KYAT3: variants seen among roughly 807,000 people sequenced by gnomAD.
KYAT3 encodes kynurenine--oxoglutarate transaminase 3.
KYAT3 carries 50 observed loss-of-function variants against 59.0 expected under a neutral mutation model. That is an observed-to-expected ratio of 0.85 (90% confidence interval 0.68 to 1.07). The LOEUF is 1.07. Among genes scored for constraint, KYAT3 ranks in the 50% least tolerant of loss-of-function variants. The pLI is 0.00. For synonymous variants in KYAT3, 148 were observed against 177.0 expected, an observed-to-expected ratio of 0.84 and a Z score of 1.30; for missense variants, 497 against 533.3, an observed-to-expected ratio of 0.93 and a Z score of 0.67.
chr1:88,971,566 C>T (rs1191792214), intron 2 of KYAT3, among the ~76,000 whole-genome samples: 1 of 152,086 alleles, frequency 6.6e-6, no homozygotes, highest in Admixed American at 6.6e-5. Flanking sequence ...ACAATTTTGT[C>T]ACATAGGATT....
At chr1:88,932,723 T>C (rs1317061244), downstream of KYAT3, among the ~76,000 whole-genome samples, 1 of 152,172 alleles carries the variant, frequency 6.6e-6, no homozygotes, top group Non-Finnish European at 1.5e-5. Context: ...CTTGAACTCC[T>C]AGCCTCAAGT....
intron 2 of KYAT3, chr1:88,982,898 T>C (rs765557084): frequency 1.5e-5 from 24 of 1,614,006 alleles, no homozygotes; most frequent in South Asian, 2.2e-5. Flanking sequence ...ATAATCATCA[T>C]AGCGACTGCT....
At chr1:88,954,393 G>C (rs1362319789) in intron 9 of KYAT3, among the ~76,000 whole-genome samples, 1 of 152,188 alleles carries the variant, frequency 6.6e-6, no homozygotes, top group Non-Finnish European at 1.5e-5. Context: ...CTTTAGCTCT[G>C]TCATCTGTAA....
At chr1:88,988,433 T>A in intron 1 of KYAT3, 82 bp from the exon 2 acceptor site, 1 of 715,792 alleles carries the variant, frequency 1.4e-6, no homozygotes, top group Non-Finnish European at 2.3e-6. Flanking sequence ...CTAGCTGATG[T>A]ATCATAAGCT....
chr1:88,935,282 C>T (rs1393034481), downstream of KYAT3, among the ~76,000 whole-genome samples: 1 of 150,708 alleles, frequency 6.6e-6, no homozygotes, highest in East Asian at 2.0e-4. Context: ...GGATTACAGG[C>T]ATGAGCCACT....
chr1:88,967,632 T>C (rs913400459), intron 4 of KYAT3, among the ~76,000 whole-genome samples: 1 of 152,082 alleles, frequency 6.6e-6, no homozygotes, highest in Non-Finnish European at 1.5e-5. Flanking sequence ...GTAATTTGTA[T>C]CTTTTAAATA....
At chr1:88,959,379 C>G (rs960456578) in intron 8 of KYAT3, among the ~76,000 whole-genome samples, 2 of 151,704 alleles carry the variant, frequency 1.3e-5, no homozygotes, top group African/African-American at 4.8e-5. Flanking sequence ...GAGTTTGAGA[C>G]CAGCTTGGCC....
intron 6 of KYAT3, among the ~76,000 whole-genome samples, chr1:88,961,852 T>C (rs1676157505): frequency 6.6e-6 from 1 of 152,246 alleles, no homozygotes; most frequent in Non-Finnish European, 1.5e-5. Context: ...ATGTCTGATA[T>C]TGTAAGGCTA....
chr1:88,924,158 A>G, the KYAT3 span, among the ~76,000 whole-genome samples: 6 of 152,220 alleles, frequency 3.9e-5, no homozygotes, highest in Non-Finnish European at 8.8e-5. Flanking sequence ...GGAGCCAGTC[A>G]GTCCGTATAG....
intron 2 of KYAT3, among the ~76,000 whole-genome samples, chr1:88,975,526 G>A (rs1056052103): frequency 6.6e-5 from 10 of 152,302 alleles, no homozygotes; most frequent in African/African-American, 2.2e-4. Flanking sequence ...AAAGTTTCAC[G>A]TGGAAGGTGA....
At chr1:88,984,252 T>C (rs962968561) in intron 2 of KYAT3, among the ~76,000 whole-genome samples, 1 of 137,428 alleles carries the variant, frequency 7.3e-6, no homozygotes, top group Admixed American at 7.8e-5. Context: ...TCTCACAGTG[T>C]TGCCCAGGCT....
chr1:88,929,545 C>T, the KYAT3 span, among the ~76,000 whole-genome samples: 6 of 152,186 alleles, frequency 3.9e-5, no homozygotes, highest in Non-Finnish European at 1.5e-5. Flanking sequence ...CAGGCATTAG[C>T]CCAAGACTTG....
At chr1:88,936,269 C>T (rs764449645) in intron 13 of KYAT3, 24 bp from the exon 14 acceptor site, 1 of 1,492,260 alleles carries the variant, frequency 6.7e-7, no homozygotes, top group Non-Finnish European at 9.3e-7. Flanking sequence ...AAATAATCAT[C>T]ATTATTACAG....
At chr1:88,988,437 A>G (rs1402855392) in intron 1 of KYAT3, 86 bp from the exon 2 acceptor site, 1 of 706,976 alleles carries the variant, frequency 1.4e-6, no homozygotes, top group Non-Finnish European at 2.4e-6. Context: ...CTGATGTATC[A>G]TAAGCTTACG....
intron 8 of KYAT3, among the ~76,000 whole-genome samples, chr1:88,958,298 T>A (rs1396927762): frequency 1.3e-5 from 2 of 152,114 alleles, no homozygotes; most frequent in Non-Finnish European, 2.9e-5. Flanking sequence ...AGCATGCTTG[T>A]TTTCTTCCCA....
chr1:88,953,134 GA>G lies in KYAT3; in HGVS notation c.882del (p.Pro295GlnfsTer4). On this transcript the variant is annotated frameshift_variant, in exon 10 of 14. Transcript: ENST00000260508. LOFTEE classifies it high-confidence loss of function. ...TGTAAATGTTTTATCAAATGATTTGGACCAATGGACCAGCCAAGCTGGGAAA... is the reference window on the plus strand; with the variant it reads ...TGTAAATGTTTTATCAAATGATTTGGCCAATGGACCAGCCAAGCTGGGAAA... ...VTGWKLGWSI[G>X]PNHLIKHLQT... is the part of the protein sequence containing the mutation. 1 of 1,612,118 alleles carries G rather than the reference GA, an allele frequency of 6.2e-7. No individual in the cohort carries two copies.
intron 6 of KYAT3, among the ~76,000 whole-genome samples, 200 bp downstream of exon 6, chr1:88,961,859 G>C (rs1322662958): frequency 6.6e-6 from 1 of 152,166 alleles, no homozygotes; most frequent in Admixed American, 6.5e-5. Flanking sequence ...ATATTGTAAG[G>C]CTAGCTGAAG....
chr1:88,926,104 T>C, the KYAT3 span, among the ~76,000 whole-genome samples: 1 of 152,244 alleles, frequency 6.6e-6, no homozygotes, highest in East Asian at 1.9e-4. Flanking sequence ...GGAAACCTCA[T>C]TGTGAGCACA....
downstream of KYAT3, among the ~76,000 whole-genome samples, chr1:88,935,375 A>AG (rs200721880): frequency 0.15 from 21,373 of 144,370 alleles, 1,697 homozygotes; most frequent in African/African-American, 0.23. Flanking sequence ...AGAGAGAGAG[A>AG]GAAAAAAAAA....
Sources: allele counts gnomAD v4.1 joint callset (sites outside exome capture counted in the v4.1 genomes callset), GRCh38; gene constraint gnomAD v4.1.1; transcripts MANE v1.5; gene names NCBI Gene and HGNC (gene_info 2026-07-23, HGNC 2026-07-21).